AKAP19: variants seen among roughly 807,000 people sequenced by gnomAD.
AKAP19 encodes small A-kinase anchoring protein.
At chr2:190,157,365 T>TACACACACACACACACACACACAC in the AKAP19 span, among the ~76,000 whole-genome samples, 166 of 117,052 alleles carry the variant, frequency 1.4e-3, 1 homozygote, top group African/African-American at 1.8e-3. Flanking sequence ...CCTAAACTTG[T>TACACACACACACACACACACACAC]ATACACACAC....
the AKAP19 span, among the ~76,000 whole-genome samples, chr2:190,047,123 C>A: frequency 6.6e-6 from 1 of 152,156 alleles, no homozygotes; most frequent in East Asian, 1.9e-4. Context: ...CAAGGACATA[C>A]AAGCGGTGTC....
the AKAP19 span, among the ~76,000 whole-genome samples, chr2:189,939,618 T>G: frequency 6.6e-6 from 1 of 152,206 alleles, no homozygotes; most frequent in Non-Finnish European, 1.5e-5. Context: ...GTGAACTCTA[T>G]GACTAATCAT....
the AKAP19 span, among the ~76,000 whole-genome samples, chr2:190,129,878 C>G: frequency 1.3e-5 from 2 of 152,180 alleles, no homozygotes; most frequent in African/African-American, 4.8e-5. Flanking sequence ...CCTTCTTCCT[C>G]TGAGTGCCTC....
the AKAP19 span, among the ~76,000 whole-genome samples, chr2:189,951,334 T>C: frequency 6.6e-6 from 1 of 151,684 alleles, no homozygotes; most frequent in African/African-American, 2.4e-5. Flanking sequence ...CCCAAGTAGC[T>C]GGGATTACAG....
At chr2:190,055,336 G>A in the AKAP19 span, among the ~76,000 whole-genome samples, 1 of 125,360 alleles carries the variant, frequency 8.0e-6, no homozygotes. Context: ...TTGTGGGGTG[G>A]GGGGAGGGGG....
the AKAP19 span, among the ~76,000 whole-genome samples, chr2:190,136,329 A>G: frequency 1.3e-5 from 2 of 152,304 alleles, no homozygotes; most frequent in South Asian, 2.1e-4. Flanking sequence ...GCAGTGTAAG[A>G]GCAGCTAGGT....
At chr2:189,986,072 G>A in the AKAP19 span, among the ~76,000 whole-genome samples, 1 of 152,146 alleles carries the variant, frequency 6.6e-6, no homozygotes, top group African/African-American at 2.4e-5. Context: ...AATATTCTAA[G>A]ATCTTTATAT....
chr2:190,127,194 A>G, the AKAP19 span, among the ~76,000 whole-genome samples: 14 of 80,142 alleles, frequency 1.7e-4, no homozygotes, highest in African/African-American at 3.6e-4. Context: ...CCTGACTGGA[A>G]AAAAAAAAAA....
At chr2:189,893,862 G>A in the AKAP19 span, among the ~76,000 whole-genome samples, 4 of 152,212 alleles carry the variant, frequency 2.6e-5, no homozygotes, top group Non-Finnish European at 1.5e-5. Flanking sequence ...AGGGACTTTA[G>A]CATCTGTGGG....
chr2:189,934,449 A>G, the AKAP19 span, among the ~76,000 whole-genome samples: 8 of 151,994 alleles, frequency 5.3e-5, no homozygotes, highest in Admixed American at 1.3e-4. Flanking sequence ...ATTTTTCTCC[A>G]TTTTTACCTT....
the AKAP19 span, among the ~76,000 whole-genome samples, chr2:190,108,485 C>T: frequency 2.0e-5 from 3 of 152,140 alleles, no homozygotes; most frequent in Non-Finnish European, 2.9e-5. Flanking sequence ...TTGCAAAGAC[C>T]GCAAGCTATT....
the AKAP19 span, among the ~76,000 whole-genome samples, chr2:190,191,990 TTC>T: frequency 6.6e-6 from 1 of 152,196 alleles, no homozygotes; most frequent in Non-Finnish European, 1.5e-5. Context: ...ACCAGTTTTT[TTC>T]TTTCATGGTT....
chr2:190,080,309 C>T, the AKAP19 span, among the ~76,000 whole-genome samples: 1 of 152,232 alleles, frequency 6.6e-6, no homozygotes, highest in East Asian at 1.9e-4. Context: ...ACACAATGCC[C>T]CTGATGACCT....
the AKAP19 span, among the ~76,000 whole-genome samples, chr2:190,199,521 GT>G: frequency 6.6e-6 from 1 of 152,094 alleles, no homozygotes; most frequent in Admixed American, 6.5e-5. Context: ...TATTTTGCAA[GT>G]TGCCATTTTT....
At chr2:189,964,429 A>T in the AKAP19 span, among the ~76,000 whole-genome samples, 99 of 152,336 alleles carry the variant, frequency 6.5e-4, 4 homozygotes, top group South Asian at 0.02. Context: ...CACCAGCTGC[A>T]TTAGCCCTTA....
At chr2:190,105,321 A>G in the AKAP19 span, among the ~76,000 whole-genome samples, 3 of 152,134 alleles carry the variant, frequency 2.0e-5, no homozygotes, top group African/African-American at 4.8e-5. Flanking sequence ...TTTTCACTCA[A>G]TTTGAGTAAT....
the AKAP19 span, among the ~76,000 whole-genome samples, chr2:190,111,688 AAG>A: frequency 2.0e-5 from 3 of 152,038 alleles, no homozygotes; most frequent in African/African-American, 7.2e-5. Flanking sequence ...CAGAGAAAGA[AAG>A]AGAGAGATGT....
the AKAP19 span, among the ~76,000 whole-genome samples, chr2:190,046,968 C>T: frequency 2.6e-5 from 4 of 152,032 alleles, no homozygotes; most frequent in African/African-American, 7.2e-5. Context: ...GGGACTTTTA[C>T]ACACACAGAA....
the AKAP19 span, among the ~76,000 whole-genome samples, chr2:190,167,169 GGCCTTACAATTATA>G: frequency 3.3e-5 from 5 of 152,200 alleles, no homozygotes; most frequent in Admixed American, 6.5e-5. Context: ...TGACTGGGAA[GGCCTTACAATTATA>G]GCGAAAGGTG....
Sources: gnomAD v4.1 joint callset for allele counts (sites outside exome capture counted in the v4.1 genomes callset) on GRCh38, gnomAD v4.1.1 for gene constraint, MANE v1.5 for transcripts, NCBI Gene and HGNC (gene_info 2026-07-23, HGNC 2026-07-21) for gene names.